The following GPD2 variants were observed in gnomAD, a reference collection of about 807,000 sequenced individuals.
GPD2 encodes glycerol-3-phosphate dehydrogenase 2, also known as glycerol-3-phosphate dehydrogenase, mitochondrial.
In GPD2, 54 loss-of-function variants were observed where a neutral mutation model predicts 82.4. The observed-to-expected ratio is 0.66, with a 90% CI of 0.53 to 0.82. The LOEUF (loss-of-function observed/expected upper bound fraction) is 0.82, where lower values mean the gene tolerates loss of function less well. Among genes scored for constraint, GPD2 ranks in the 40% least tolerant of loss-of-function variants. The pLI is 0.00. For missense variants in GPD2, 748 were observed against 896.2 expected, an observed-to-expected ratio of 0.83 and a Z score of 2.11; for synonymous variants, 288 against 306.1, an observed-to-expected ratio of 0.94 and a Z score of 0.62.
intron 1 of GPD2, among the ~76,000 whole-genome samples, chr2:156,471,487 G>A (rs1683326516): frequency 6.6e-6 from 1 of 151,874 alleles, no homozygotes; most frequent in African/African-American, 2.4e-5. Context: ...CTTCCCTCTG[G>A]ACTTCTTTTT....
intron 2 of GPD2, chr2:156,495,512 A>G (rs1469632097): frequency 2.8e-6 from 1 of 358,142 alleles, no homozygotes; most frequent in Non-Finnish European, 5.8e-6. Context: ...TCTGTTAAAT[A>G]AATTCTTTTT....
chr2:156,490,181 G>A (rs909966863), intron 2 of GPD2, among the ~76,000 whole-genome samples: 5 of 152,056 alleles, frequency 3.3e-5, no homozygotes, highest in Non-Finnish European at 5.9e-5. Context: ...TTTTATTCTT[G>A]CTGCTTTTCT....
At chr2:156,409,206 A>G in the GPD2 span, among the ~76,000 whole-genome samples, 1 of 152,202 alleles carries the variant, frequency 6.6e-6, no homozygotes, top group African/African-American at 2.4e-5. Context: ...AAGCCACACA[A>G]TTGGTGATAC....
At chr2:156,414,038 C>T in the GPD2 span, among the ~76,000 whole-genome samples, 29,605 of 152,124 alleles carry the variant, frequency 0.19, 3,293 homozygotes, top group Non-Finnish European at 0.24. Flanking sequence ...TTCAAAAATT[C>T]AGTCACTTCT....
chr2:156,425,094 T>A, the GPD2 span, among the ~76,000 whole-genome samples: 6 of 151,388 alleles, frequency 4.0e-5, no homozygotes, highest in African/African-American at 1.2e-4. Context: ...ATTTTATTTT[T>A]TTTTTTGTTT....
At chr2:156,502,791 T>C (rs1005092406) in intron 3 of GPD2, among the ~76,000 whole-genome samples, 2 of 152,204 alleles carry the variant, frequency 1.3e-5, no homozygotes, top group African/African-American at 4.8e-5. Context: ...AGCTAGATTA[T>C]ATTTATTTGT....
the GPD2 span, among the ~76,000 whole-genome samples, chr2:156,407,172 A>C: frequency 1.3e-5 from 2 of 152,204 alleles, no homozygotes; most frequent in African/African-American, 2.4e-5. Context: ...AGATCGCACC[A>C]CTGCACTCCA....
At chr2:156,411,841 TAA>T in the GPD2 span, among the ~76,000 whole-genome samples, 6 of 152,326 alleles carry the variant, frequency 3.9e-5, no homozygotes, top group Non-Finnish European at 1.5e-5. Context: ...ATACAAATTA[TAA>T]AAATAGCATT....
chr2:156,422,108 C>CA, the GPD2 span, among the ~76,000 whole-genome samples: 1 of 152,114 alleles, frequency 6.6e-6, no homozygotes, highest in African/African-American at 2.4e-5. Flanking sequence ...ACCAGGATGA[C>CA]AGAGTGAGAA....
intron 12 of GPD2, among the ~76,000 whole-genome samples, chr2:156,570,726 CA>C (rs1427548330): frequency 1.3e-5 from 2 of 152,116 alleles, no homozygotes; most frequent in African/African-American, 2.4e-5. Context: ...TACTCTAAGA[CA>C]AAAAACTATA....
chr2:156,450,297 C>T (rs1682510256), intron 1 of GPD2, among the ~76,000 whole-genome samples: 1 of 152,054 alleles, frequency 6.6e-6, no homozygotes, highest in South Asian at 2.1e-4. Flanking sequence ...TTTGGAGATT[C>T]TGAGAGGGGT....
chr2:156,517,727 A>C (rs1410871756), intron 6 of GPD2, among the ~76,000 whole-genome samples: 1 of 152,186 alleles, frequency 6.6e-6, no homozygotes, highest in Non-Finnish European at 1.5e-5. Context: ...ACCAGCTGTT[A>C]GGGGTAGCCA....
the GPD2 span, among the ~76,000 whole-genome samples, chr2:156,425,923 CT>C: frequency 2.8e-3 from 382 of 136,326 alleles, no homozygotes; most frequent in African/African-American, 4.2e-3. Context: ...AGTCTGGGTA[CT>C]TTTTTTTTTT....
chr2:156,547,471 A>G (rs1047718700), intron 6 of GPD2, among the ~76,000 whole-genome samples: 2 of 152,208 alleles, frequency 1.3e-5, no homozygotes, highest in African/African-American at 2.4e-5. Context: ...TAATTTCACA[A>G]TTCTAGGTAG....
At chr2:156,564,661 A>C (rs1687307552) in intron 9 of GPD2, among the ~76,000 whole-genome samples, 1 of 152,116 alleles carries the variant, frequency 6.6e-6, no homozygotes, top group South Asian at 2.1e-4. Flanking sequence ...CAAGGTTGGG[A>C]GGGGAACTGT....
intron 6 of GPD2, among the ~76,000 whole-genome samples, chr2:156,522,520 CTT>C (rs1020056024): frequency 6.6e-6 from 1 of 152,166 alleles, no homozygotes; most frequent in African/African-American, 2.4e-5. Context: ...TATCAAAAAT[CTT>C]TGTCCACTCT....
chr2:156,579,871 A>T, intron 16 of GPD2, 83 bp downstream of exon 16: 1 of 755,854 alleles, frequency 1.3e-6, no homozygotes, highest in Non-Finnish European at 2.4e-6. Context: ...AAGAATGGAT[A>T]TTTAAGTCCA....
chr2:156,445,593 T>C (rs900451570), intron 1 of GPD2, among the ~76,000 whole-genome samples: 9 of 152,236 alleles, frequency 5.9e-5, no homozygotes, highest in African/African-American at 2.2e-4. Context: ...TTAATGGATG[T>C]AGAAGCAATG....
At chr2:156,421,413 G>T in the GPD2 span, among the ~76,000 whole-genome samples, 1 of 152,124 alleles carries the variant, frequency 6.6e-6, no homozygotes, top group Non-Finnish European at 1.5e-5. Context: ...TTTTCCTGGG[G>T]GCAGAAAGAG....
Sources: allele counts gnomAD v4.1 joint callset (sites outside exome capture counted in the v4.1 genomes callset), GRCh38; gene constraint gnomAD v4.1.1; transcripts MANE v1.5; gene names NCBI Gene and HGNC (gene_info 2026-07-23, HGNC 2026-07-21).